USP40: variants seen among roughly 807,000 people sequenced by gnomAD.
USP40 encodes the protein ubiquitin specific peptidase 40.
In USP40, 143 loss-of-function variants were observed where a neutral mutation model predicts 166.2. That is an observed-to-expected ratio of 0.86 (90% CI 0.75 to 0.99). The LOEUF is 0.99. Ranked by LOEUF, USP40 falls within the 50% of genes least tolerant of loss-of-function variation. USP40 has a pLI of 0.00. For missense variants in USP40, 1,444 were observed against 1,479.7 expected, an observed-to-expected ratio of 0.98 and a Z score of 0.40; for synonymous variants, 498 against 524.0, an observed-to-expected ratio of 0.95 and a Z score of 0.68.
At chr2:233,482,530 T>C (rs1302386302) in intron 30 of USP40, among the ~76,000 whole-genome samples, 1 of 151,836 alleles carries the variant, frequency 6.6e-6, no homozygotes, top group Non-Finnish European at 1.5e-5. Flanking sequence ...TGTACTAAAC[T>C]AACACCAAAC....
chr2:233,532,570 C>T (rs181839798), intron 11 of USP40, among the ~76,000 whole-genome samples: 1 of 152,324 alleles, frequency 6.6e-6, no homozygotes, highest in African/African-American at 2.4e-5. Context: ...GTTTTCCATA[C>T]ATCTCTGCTT....
chr2:233,521,192 A>C (rs529042282), intron 16 of USP40, 78 bp from the exon 17 acceptor site: 3 of 1,489,678 alleles, frequency 2.0e-6, no homozygotes, highest in South Asian at 2.7e-5. Flanking sequence ...GTGTCACTTA[A>C]TGTGACTAAT....
intron 18 of USP40, 198 bp downstream of exon 18, chr2:233,519,416 A>G: frequency 2.1e-6 from 1 of 479,076 alleles, no homozygotes; most frequent in East Asian, 4.0e-5. Context: ...TCTGAGGAGG[A>G]GAACACAGGG....
At position 233,548,361 on chromosome 2, in the gene USP40, T is replaced by C. The variant is rs2070195892; in HGVS notation, c.966+740A>G. On this transcript the variant is annotated intron_variant, in intron 8 of 31. Coordinates refer to ENST00000678225, the MANE Select transcript of USP40 (RefSeq NM_001365479.2). ...CTACAGACACGGGATTTATTGTTTT[T>C]ATCACATGTTCACCTGCCATCTGCA... Among the ~76,000 whole-genome samples, 4 of 152,202 alleles carry C rather than the reference T, an allele frequency of 2.6e-5. No individual in the cohort carries two copies. In the South Asian group the frequency reaches 6.2e-4, roughly 24 times the overall value.
At chr2:233,539,057 A>T (rs2069156445) in intron 10 of USP40, among the ~76,000 whole-genome samples, 1 of 152,154 alleles carries the variant, frequency 6.6e-6, no homozygotes, top group Non-Finnish European at 1.5e-5. Context: ...TCACGCCAGG[A>T]GGCAATAACA....
Position 233,512,637 on chromosome 2 carries a change from A to AATATTATTTTTCTTATT in USP40, c.2384-16_2384-15insAATAAGAAAAATAATAT. 7.2e-7 allele frequency: 1 copy of AATATTATTTTTCTTATT among 1,384,452 alleles called. No homozygotes were observed. 85.8% of individuals were successfully genotyped at this position (1,384,452 alleles called of 1,614,324 possible). On this transcript the variant is annotated splice_polypyrimidine_tract_variant and intron_variant, in intron 18 of 31. Transcript: ENST00000678225. ...GCTGTTGTCAGCTATATATAAAAGGAATATTATTTTTCTTAGAGAGCTAGG... is the reference window on the plus strand; with the variant it reads ...GCTGTTGTCAGCTATATATAAAAGGAATATTATTTTTCTTATTATATTATTTTTCTTAGAGAGCTAGG...
intron 28 of USP40, chr2:233,487,769 G>T: frequency 3.1e-6 from 1 of 325,120 alleles, no homozygotes; most frequent in Non-Finnish European, 6.1e-6. Context: ...AGGTATTAAG[G>T]ATATAGCAAT....
chr2:233,490,810 T>C (rs1319906830), intron 26 of USP40, among the ~76,000 whole-genome samples: 2 of 152,146 alleles, frequency 1.3e-5, no homozygotes, highest in Non-Finnish European at 2.9e-5. Flanking sequence ...ATTTAACATA[T>C]GGGTCACAAT....
intron 2 of USP40, among the ~76,000 whole-genome samples, chr2:233,564,501 A>C (rs1198993830): frequency 6.6e-6 from 1 of 152,144 alleles, no homozygotes; most frequent in East Asian, 1.9e-4. Flanking sequence ...AACAGGGGCA[A>C]GAAATCAAGG....
chr2:233,556,955 A>G lies in USP40; in HGVS notation c.446T>C (p.Leu149Ser). The change falls in exon 5 of 32, where the codon TTA becomes TCA. Residue 149 changes from leucine (L) to serine (S), a missense_variant. Leu to Ser is a moderately radical substitution (Grantham distance 145). Coordinates refer to ENST00000678225, the MANE Select transcript of USP40 (RefSeq NM_001365479.2). ...RILFSALETS[L>S]VGTSGHDLIY... is the part of the protein sequence containing the mutation. ...GAGGTCATGACCGGAGGTCCCAACTAAAGAAGTTTCCAAAGCGCTGAAGAG... is the reference window on the plus strand; with the variant it reads ...GAGGTCATGACCGGAGGTCCCAACTGAAGAAGTTTCCAAAGCGCTGAAGAG... The G allele has an allele frequency of 1.2e-6, 2 of 1,613,998 alleles. No individual in the cohort carries two copies. The highest frequency in any genetic ancestry group is 1.7e-6 in the Non-Finnish European group (2 of 1,179,868).
intron 21 of USP40, 54 bp downstream of exon 21, chr2:233,509,995 C>A (rs986631230): frequency 6.4e-6 from 9 of 1,402,930 alleles, no homozygotes; most frequent in Non-Finnish European, 4.9e-6. Flanking sequence ...CTGTTCCTCA[C>A]AGCAAACATA....
chr2:233,483,474 G>A (rs1228482214), intron 30 of USP40, among the ~76,000 whole-genome samples: 1 of 152,158 alleles, frequency 6.6e-6, no homozygotes, highest in East Asian at 1.9e-4. Flanking sequence ...CTGGGTGACG[G>A]AGTGAGACCC....
In USP40 at chr2:233,551,605, C is replaced by T. The variant is rs1242206941; in HGVS notation, c.694-86G>A. ...TGTTTCTTAAGGTCTGAAAAAACAA[C>T]CTATGACACAGTTCTAAGAGAAATA... is the stretch of plus-strand genomic sequence containing the variant. On this transcript the variant is annotated intron_variant, in intron 6 of 31. Transcript: ENST00000678225. 2.4e-6 allele frequency: 3 copies of T among 1,273,880 alleles called. No individual in the cohort carries two copies. In the Admixed American group the frequency reaches 8.5e-5, roughly 36 times the overall value. The allele number at this position is 1,273,880 out of a possible 1,614,324, so 78.9% of individuals were successfully genotyped here.
Position 233,547,524 on chromosome 2 carries a change from A to G in USP40, c.966+1577T>C, listed in dbSNP as rs1445369000. 2.0e-5 allele frequency among the ~76,000 whole-genome samples: 3 copies of G among 152,202 alleles called. No individual in the cohort carries two copies. The East Asian group carries it at 5.8e-4, about 29-fold the overall frequency. ...AGTAAATGTGGAGCAAGTATTCGTC[A>G]ACAACAGCATTAACTTTCTGATAAC... On this transcript the variant is annotated intron_variant, in intron 8 of 31. Coordinates refer to ENST00000678225, the MANE Select transcript of USP40 (RefSeq NM_001365479.2).
rs145883223 is a variant in USP40 at position 233,488,360 on chromosome 2, A to AT, written c.3132-57dup. 38 of 1,462,168 alleles carry AT rather than the reference A, an allele frequency of 2.6e-5. No homozygotes were observed. In the Admixed American group the frequency reaches 4.2e-4, roughly 16 times the overall value. The allele number at this position is 1,462,168 out of a possible 1,614,324, so 90.6% of individuals were successfully genotyped here. On this transcript the variant is annotated intron_variant, in intron 27 of 31. Transcript: ENST00000678225. ...GTGACATAACATTTAATTTTCTTGA[A>AT]TTTTTTTTCCCCCAATTTTAAGCTT...
At chr2:233,528,350 C>A (rs1402602884) in intron 12 of USP40, among the ~76,000 whole-genome samples, 3 of 152,126 alleles carry the variant, frequency 2.0e-5, no homozygotes, top group Non-Finnish European at 4.4e-5. Flanking sequence ...TCCTTGGCAG[C>A]AGCCTGGTGT....
chr2:233,524,961 TGA>T (rs1431621605), intron 14 of USP40, among the ~76,000 whole-genome samples: 1 of 152,234 alleles, frequency 6.6e-6, no homozygotes, highest in Non-Finnish European at 1.5e-5. Flanking sequence ...GAAAATCAAG[TGA>T]GATAATTAAC....
In USP40 at chr2:233,527,450, T is replaced by C. The variant is rs199839652; in HGVS notation, c.1682A>G (p.Asp561Gly). Reference sequence around the variant, plus strand: ...GAGATCTCCTAAAGTTTTTCTTTTATCAAAGGTCAAATCCCACACGCTTTC... The same window carrying C: ...GAGATCTCCTAAAGTTTTTCTTTTACCAAAGGTCAAATCCCACACGCTTTC... ...QTESVWDLTF[D>G]KRKTLGDLRQ... Residue 561 changes from aspartate (D) to glycine (G), a missense_variant, in exon 13 of 32, where the codon GAT becomes GGT. Coordinates refer to ENST00000678225, the MANE Select transcript of USP40 (RefSeq NM_001365479.2). 4 of 1,613,652 alleles carry C rather than the reference T, an allele frequency of 2.5e-6. No homozygotes were observed. The East Asian group carries it at 8.9e-5, about 36-fold the overall frequency.
intron 18 of USP40, among the ~76,000 whole-genome samples, chr2:233,518,251 TAAAAAAA>T (rs1156279626): frequency 5.2e-4 from 26 of 49,832 alleles, no homozygotes; most frequent in African/African-American, 1.4e-3. Flanking sequence ...TAACAGATTC[TAAAAAAA>T]AAAAAAAAAA....
Sources: allele counts gnomAD v4.1 joint callset (sites outside exome capture counted in the v4.1 genomes callset), GRCh38; gene constraint gnomAD v4.1.1; transcripts MANE v1.5; gene names NCBI Gene and HGNC (gene_info 2026-07-23, HGNC 2026-07-21).